Variants in NBEA observed in about 807,000 individuals in gnomAD.
NBEA encodes lysosomal-trafficking regulator 2.
A neutral mutation model predicts 343.4 loss-of-function variants in NBEA; 44 were observed. The observed-to-expected ratio is 0.13, with a 90% CI of 0.10 to 0.16. NBEA has a LOEUF of 0.16. NBEA is among the 10% of genes least tolerant of loss of function. NBEA has a pLI of 1.00. For synonymous variants in NBEA, 1,175 were observed against 1,238.7 expected (o/e 0.95, Z 1.08); for missense variants, 2,555 against 3,631.3 (o/e 0.70, Z 7.62).
At chr13:35,256,727 G>A (rs1465713036) in intron 34 of NBEA, among the ~76,000 whole-genome samples, 1 of 152,166 alleles carries the variant, frequency 6.6e-6, no homozygotes, top group Non-Finnish European at 1.5e-5. Flanking sequence ...CACCACCCAA[G>A]CATGTGCACG....
intron 1 of NBEA, among the ~76,000 whole-genome samples, chr13:34,964,747 AGGGAAGAGCAG>A (rs2059767062): frequency 6.6e-6 from 1 of 151,980 alleles, no homozygotes; most frequent in African/African-American, 2.4e-5. Context: ...AGGGCTACAA[AGGGAAGAGCAG>A]GGGGAGAACG....
chr13:35,182,910 A>G (rs1034236248), intron 29 of NBEA, among the ~76,000 whole-genome samples: 8 of 151,984 alleles, frequency 5.3e-5, no homozygotes, highest in African/African-American at 1.9e-4. Flanking sequence ...CCAAAATACA[A>G]ATCTTTGTAG....
intron 1 of NBEA, among the ~76,000 whole-genome samples, chr13:35,022,256 G>A (rs958031825): frequency 2.6e-5 from 4 of 152,082 alleles, no homozygotes; most frequent in South Asian, 4.1e-4. Context: ...GAAAAATTGC[G>A]TGTTGCTTTA....
At chr13:35,006,180 C>T (rs1181770996) in intron 1 of NBEA, among the ~76,000 whole-genome samples, 1 of 151,908 alleles carries the variant, frequency 6.6e-6, no homozygotes, top group Non-Finnish European at 1.5e-5. Context: ...TTTGTCATGT[C>T]GGTTCAGTAC....
intron 49 of NBEA, among the ~76,000 whole-genome samples, chr13:35,644,008 G>A (rs1013094803): frequency 3.3e-5 from 5 of 152,136 alleles, no homozygotes; most frequent in African/African-American, 1.2e-4. Flanking sequence ...ATGACAAGAA[G>A]TAGAACTTAA....
intron 30 of NBEA, chr13:35,185,576 G>A (rs754563704): frequency 6.6e-6 from 1 of 152,128 alleles, no homozygotes; most frequent in Non-Finnish European, 1.5e-5. Context: ...TTGTCTGGTG[G>A]AGTGTGTTCC....
At position 34,975,637 on chromosome 13, in the gene NBEA, A is replaced by C. The variant is rs150456786; in HGVS notation, c.294+32523A>C. On this transcript the variant is annotated intron_variant, in intron 1 of 58. Transcript: ENST00000379939. ...ACAGCAAAAGAAATAATCACCAGTTAACAGAAAACCCACAGAGTGGGAGAA... is the reference window on the plus strand; with the variant it reads ...ACAGCAAAAGAAATAATCACCAGTTCACAGAAAACCCACAGAGTGGGAGAA... 9.4e-4 allele frequency among the ~76,000 whole-genome samples: 143 copies of C among 152,300 alleles called. 4 individuals are homozygous for C. In the East Asian group the frequency reaches 0.025, roughly 27 times the overall value.
chr13:35,277,607 AAG>A (rs1222893850), intron 34 of NBEA, among the ~76,000 whole-genome samples: 1 of 137,142 alleles, frequency 7.3e-6, no homozygotes, highest in African/African-American at 2.8e-5. Context: ...GGCAACAAGA[AAG>A]AAACTCCGTC....
At position 35,403,551 on chromosome 13, in the gene NBEA, T is replaced by C. The variant is rs370361373; in HGVS notation, c.6180-28718T>C. On this transcript the variant is annotated intron_variant, in intron 38 of 58. Coordinates refer to ENST00000379939, the MANE Select transcript of NBEA (RefSeq NM_001385012.1). Reference sequence around the variant, plus strand: ...TGGTGCTGGGAAAACTGGCTAGCCATATGTAGAAAGCTGAAACTGGATCCC... The same window carrying C: ...TGGTGCTGGGAAAACTGGCTAGCCACATGTAGAAAGCTGAAACTGGATCCC... Among the ~76,000 whole-genome samples, 7 of 152,198 alleles carry C rather than the reference T, an allele frequency of 4.6e-5. No homozygotes were observed. The East Asian group carries it at 1.3e-3, about 29-fold the overall frequency.
intron 33 of NBEA, among the ~76,000 whole-genome samples, chr13:35,231,214 T>C (rs1022008956): frequency 6.6e-6 from 1 of 152,150 alleles, no homozygotes; most frequent in African/African-American, 2.4e-5. Context: ...CTGATGGTGA[T>C]ACTTAGAGTG....
intron 47 of NBEA, among the ~76,000 whole-genome samples, chr13:35,594,947 TCACACACACACACA>T (rs71196581): frequency 4.1e-4 from 46 of 111,124 alleles, no homozygotes; most frequent in East Asian, 1.2e-3. Context: ...TTTGACATCA[TCACACACACACACA>T]CACACACACA....
At chr13:35,371,122 A>T (rs1452393586) in intron 38 of NBEA, among the ~76,000 whole-genome samples, 2 of 151,816 alleles carry the variant, frequency 1.3e-5, no homozygotes, top group Non-Finnish European at 2.9e-5. Context: ...CTCTTTAGGG[A>T]TCTCTGAGCT....
At chr13:34,994,158 A>G (rs1050345455) in intron 1 of NBEA, among the ~76,000 whole-genome samples, 1 of 137,406 alleles carries the variant, frequency 7.3e-6, no homozygotes, top group African/African-American at 2.8e-5. Context: ...AGGTCATGCC[A>G]CTGTACTCTA....
intron 2 of NBEA, among the ~76,000 whole-genome samples, chr13:35,042,906 TGG>T (rs1566200368): frequency 6.6e-6 from 1 of 151,824 alleles, no homozygotes; most frequent in African/African-American, 2.4e-5. Context: ...TTAAATTCAA[TGG>T]GGTACTTTTT....
intron 10 of NBEA, among the ~76,000 whole-genome samples, chr13:35,090,422 T>G (rs2065023297): frequency 6.6e-6 from 1 of 151,948 alleles, no homozygotes; most frequent in Non-Finnish European, 1.5e-5. Flanking sequence ...GAAAATGACA[T>G]GAGAATTATT....
intron 38 of NBEA, among the ~76,000 whole-genome samples, chr13:35,356,738 A>G (rs117478698): frequency 0.015 from 2,271 of 152,150 alleles, 29 homozygotes; most frequent in South Asian, 0.03. Flanking sequence ...ACATCCTGCC[A>G]TGCATCTTCT....
At chr13:35,372,301 G>T (rs1052631465) in intron 38 of NBEA, among the ~76,000 whole-genome samples, 22 of 152,328 alleles carry the variant, frequency 1.4e-4, no homozygotes, top group Middle Eastern at 3.4e-3. Context: ...CCTGCAGATG[G>T]TATATTGGAA....
chr13:35,289,981 T>C (rs1024699905), intron 34 of NBEA, among the ~76,000 whole-genome samples: 13 of 151,884 alleles, frequency 8.6e-5, no homozygotes, highest in Non-Finnish European at 1.6e-4. Context: ...TCAGTGATTA[T>C]TGTTCTTTGC....
intron 1 of NBEA, among the ~76,000 whole-genome samples, chr13:34,971,508 T>C (rs1450095358): frequency 1.3e-5 from 2 of 152,216 alleles, no homozygotes; most frequent in Admixed American, 1.3e-4. Context: ...ATGGCTCTTA[T>C]TATTTTGAGA....
Sources: allele counts gnomAD v4.1 joint callset (sites outside exome capture counted in the v4.1 genomes callset), GRCh38; gene constraint gnomAD v4.1.1; transcripts MANE v1.5; gene names NCBI Gene and HGNC (gene_info 2026-07-23, HGNC 2026-07-21).